Variants in COP1 observed in about 807,000 individuals in gnomAD.
The protein encoded by COP1 is COP1 E3 ubiquitin ligase.
In COP1, 24 loss-of-function variants were observed where a neutral mutation model predicts 101.3. The observed-to-expected ratio is 0.24, with a 90% CI of 0.17 to 0.33. The LOEUF is 0.33. COP1 is among the 10% of genes least tolerant of loss of function. The pLI, the probability that COP1 is intolerant of heterozygous loss-of-function variation, is 1.00. For missense variants in COP1, 663 were observed against 906.2 expected, an observed-to-expected ratio of 0.73 and a Z score of 3.45; for synonymous variants, 347 against 341.9, an observed-to-expected ratio of 1.01 and a Z score of -0.17.
chr1:176,027,776 T>C, intron 14 of COP1, 88 bp from the exon 15 acceptor site: 2 of 765,708 alleles, frequency 2.6e-6, no homozygotes, highest in South Asian at 3.1e-5. Flanking sequence ...GGCTTATTGC[T>C]CCAGAAATCT....
At chr1:176,034,403 CTG>C (rs1207000684) in intron 14 of COP1, among the ~76,000 whole-genome samples, 1 of 152,112 alleles carries the variant, frequency 6.6e-6, no homozygotes, top group Non-Finnish European at 1.5e-5. Context: ...GAGTAAAACT[CTG>C]TGTATATAAA....
intron 11 of COP1, among the ~76,000 whole-genome samples, chr1:176,067,065 T>C (rs1474545271): frequency 2.0e-5 from 3 of 152,136 alleles, no homozygotes; most frequent in Non-Finnish European, 1.5e-5. Context: ...AAAGTATAAA[T>C]ATAAGAAATT....
intron 5 of COP1, among the ~76,000 whole-genome samples, chr1:176,162,633 C>T (rs1166069952): frequency 1.3e-5 from 2 of 152,144 alleles, no homozygotes; most frequent in Non-Finnish European, 1.5e-5. Context: ...AGATTTTGAA[C>T]ACTCAGCTTT....
At position 176,007,618 on chromosome 1, in the gene COP1, G is replaced by T. The variant is rs536912617; in HGVS notation, c.1730-18139C>A. The stretch of plus-strand genomic sequence containing the variant: ...ATACCCTGCCGTGTGAGATGTCAGT[G>T]TGCCCCTGCTGGGGGGTGTCTCCCA... On this transcript the variant is annotated intron_variant, in intron 15 of 19. Coordinates refer to ENST00000367669, the MANE Select transcript of COP1 (RefSeq NM_022457.7). 1.1e-4 allele frequency among the ~76,000 whole-genome samples: 16 copies of T among 151,962 alleles called. No homozygotes were observed. In the East Asian group the frequency reaches 3.1e-3, roughly 30 times the overall value.
chr1:175,998,294 C>T lies in COP1; in HGVS notation c.1730-8815G>A, dbSNP rs866326481. Among the ~76,000 whole-genome samples, 8 of 150,592 alleles carry T rather than the reference C, an allele frequency of 5.3e-5. No individual in the cohort carries two copies. The South Asian group carries it at 1.7e-3, about 32-fold the overall frequency. On this transcript the variant is annotated intron_variant, in intron 15 of 19. Transcript: ENST00000367669. ...CATGGACACAGGAAGGGGAACATCA[C>T]ACTCTGGGGACTGTTGTGGGGTGGG...
chr1:175,999,149 A>G (rs1472319078), intron 15 of COP1, among the ~76,000 whole-genome samples: 4 of 152,150 alleles, frequency 2.6e-5, no homozygotes. Flanking sequence ...ATGTACAATT[A>G]AATTATTATT....
intron 15 of COP1, among the ~76,000 whole-genome samples, chr1:176,007,983 A>G (rs576652236): frequency 6.6e-6 from 1 of 152,164 alleles, no homozygotes; most frequent in African/African-American, 2.4e-5. Context: ...CTGCTCTGCT[A>G]GCAATCAGGG....
chr1:176,014,898 A>G (rs1243668265), intron 15 of COP1, among the ~76,000 whole-genome samples: 7 of 152,172 alleles, frequency 4.6e-5, no homozygotes, highest in African/African-American at 1.7e-4. Context: ...AATAATGAAC[A>G]AGAAAAGTCC....
chr1:175,988,415 G>A lies in COP1; in HGVS notation c.1848-3C>T. ...GTTTTAGCTGACTGTCTGTTGAGCT[G>A]AGGAAAAGTACAAAGAGTAAGAACT... is the stretch of plus-strand genomic sequence containing the variant. On this transcript the variant is annotated splice_polypyrimidine_tract_variant and splice_region_variant and intron_variant, in intron 16 of 19. Coordinates refer to ENST00000367669, the MANE Select transcript of COP1 (RefSeq NM_022457.7). The A allele has an allele frequency of 6.3e-7, 1 of 1,590,782 alleles. No homozygotes were observed. The highest frequency in any genetic ancestry group is 8.6e-7 in the Non-Finnish European group (1 of 1,166,086).
At chr1:176,132,249 C>G (rs1411381747) in intron 8 of COP1, among the ~76,000 whole-genome samples, 1 of 151,770 alleles carries the variant, frequency 6.6e-6, no homozygotes, top group Non-Finnish European at 1.5e-5. Context: ...TCAACACTAT[C>G]CCATAACTTT....
intron 5 of COP1, among the ~76,000 whole-genome samples, chr1:176,158,532 T>TA (rs1553297863): frequency 6.6e-6 from 1 of 151,812 alleles, no homozygotes; most frequent in Non-Finnish European, 1.5e-5. Flanking sequence ...AATAACAACG[T>TA]ATTGTGGAAT....
intron 5 of COP1, among the ~76,000 whole-genome samples, chr1:176,154,074 A>G (rs896282406): frequency 2.0e-5 from 3 of 152,142 alleles, no homozygotes; most frequent in African/African-American, 7.2e-5. Context: ...TGTCTCTGCC[A>G]GGTTTTGGTA....
chr1:176,050,943 T>G (rs887152371), intron 11 of COP1, among the ~76,000 whole-genome samples: 5 of 152,144 alleles, frequency 3.3e-5, no homozygotes, highest in African/African-American at 4.8e-5. Flanking sequence ...TGGTCTTCAA[T>G]GAACATATAC....
chr1:176,175,777 G>A (rs1696849835), intron 3 of COP1, 133 bp downstream of exon 3: 11 of 451,260 alleles, frequency 2.4e-5, no homozygotes. Context: ...AACCCAAGAA[G>A]AGGAAAGCAC....
chr1:176,161,607 A>G (rs2149934280), intron 5 of COP1, among the ~76,000 whole-genome samples: 1 of 152,238 alleles, frequency 6.6e-6, no homozygotes, highest in South Asian at 2.1e-4. Flanking sequence ...GTCCCTTAAA[A>G]AAAAAAGAAA....
chr1:176,116,512 C>T (rs1307833862), intron 9 of COP1, 112 bp downstream of exon 9: 2 of 782,874 alleles, frequency 2.6e-6, no homozygotes, highest in Non-Finnish European at 2.2e-6. Context: ...AACACCACTG[C>T]ATTCAAAATG....
Position 176,092,586 on chromosome 1 carries a change from A to C in COP1, c.1027-6696T>G, listed in dbSNP as rs146779053. The stretch of plus-strand genomic sequence containing the variant: ...TTTCACAAAAGACAAAACATAAAGG[A>C]CAATAAATATAAGAAAAGGTGCTGT... On this transcript the variant is annotated intron_variant, in intron 9 of 19. Transcript: ENST00000367669. 2.6e-3 allele frequency among the ~76,000 whole-genome samples: 400 copies of C among 152,304 alleles called. 3 individuals carry two copies. Among genetic ancestry groups the C allele is most frequent in the African/African-American group, 9.2e-3 (382 of 41,582 alleles).
intron 1 of COP1, among the ~76,000 whole-genome samples, chr1:176,193,721 T>G (rs993721979): frequency 6.6e-6 from 1 of 152,106 alleles, no homozygotes; most frequent in East Asian, 1.9e-4. Flanking sequence ...ATATATTATA[T>G]GATTGCATTT....
chr1:176,114,594 G>T lies in COP1; in HGVS notation c.1026+2030C>A, dbSNP rs1255967134. On this transcript the variant is annotated intron_variant, in intron 9 of 19. Transcript: ENST00000367669. ...AGGGTAATTCTTTTTTTTGCGGGGG[G>T]AGGGAGTGGGGGGGAAAGGGTCTCA... is the stretch of plus-strand genomic sequence containing the variant. Among the ~76,000 whole-genome samples, 2 of 142,680 alleles carry T rather than the reference G, an allele frequency of 1.4e-5. 1 individual carries two copies. The highest frequency in any genetic ancestry group is 4.9e-4 in the South Asian group (2 of 4,086). 93.6% of individuals were successfully genotyped at this position (142,680 alleles called of 152,430 possible). A position where few individuals can be genotyped will look rare whatever the true frequency, so the allele number is the denominator to read the frequency against.
Sources: allele counts gnomAD v4.1 joint callset (sites outside exome capture counted in the v4.1 genomes callset), GRCh38; gene constraint gnomAD v4.1.1; transcripts MANE v1.5; gene names NCBI Gene and HGNC (gene_info 2026-07-23, HGNC 2026-07-21).